CADPS2: variants seen among roughly 807,000 people sequenced by gnomAD.
CADPS2 encodes calcium dependent secretion activator 2.
Under a neutral mutation model 172.5 loss-of-function variants are expected in CADPS2, and 93 were observed. The ratio of observed to expected loss-of-function variants is 0.54; its 90% CI spans 0.46 to 0.64. The LOEUF is 0.64. CADPS2 is among the 30% of genes least tolerant of loss of function. CADPS2 has a pLI of 0.00. For missense variants in CADPS2, 1,420 were observed against 1,565.9 expected, an observed-to-expected ratio of 0.91 and a Z score of 1.57; for synonymous variants, 546 against 555.2, an observed-to-expected ratio of 0.98 and a Z score of 0.23.
chr7:122,726,048 C>T (rs189374921), intron 2 of CADPS2, among the ~76,000 whole-genome samples: 124 of 151,776 alleles, frequency 8.2e-4, no homozygotes, highest in African/African-American at 2.8e-3. Flanking sequence ...TAAATTTTAA[C>T]TCACCAGCTT....
At chr7:122,742,171 A>T (rs950439493) in intron 1 of CADPS2, among the ~76,000 whole-genome samples, 1 of 152,082 alleles carries the variant, frequency 6.6e-6, no homozygotes. Flanking sequence ...CAGGCGGATC[A>T]CCTGAGGTCA....
chr7:122,775,428 T>A (rs1019417321), intron 1 of CADPS2, among the ~76,000 whole-genome samples: 3 of 152,180 alleles, frequency 2.0e-5, no homozygotes, highest in Non-Finnish European at 4.4e-5. Flanking sequence ...AGGGGGATGC[T>A]GCATCTAAAG....
chr7:122,856,335 C>G (rs575481634), intron 1 of CADPS2, among the ~76,000 whole-genome samples: 1 of 152,298 alleles, frequency 6.6e-6, no homozygotes, highest in African/African-American at 2.4e-5. Context: ...CCAGTGGCAT[C>G]AGCAAAATCC....
chr7:122,389,692 A>C (rs1019807051), intron 22 of CADPS2, among the ~76,000 whole-genome samples: 5 of 152,060 alleles, frequency 3.3e-5, no homozygotes, highest in Non-Finnish European at 7.4e-5. Flanking sequence ...AAAGCATAAA[A>C]GCAAAAGCAA....
intron 1 of CADPS2, among the ~76,000 whole-genome samples, chr7:122,881,744 G>C (rs572019246): frequency 6.6e-6 from 1 of 152,086 alleles, no homozygotes; most frequent in Non-Finnish European, 1.5e-5. Flanking sequence ...AGAAACATCA[G>C]GAAAGTGTTA....
In CADPS2 at chr7:122,865,335, T is replaced by C. The variant is rs1818028295; in HGVS notation, c.339+20664A>G. Among the ~76,000 whole-genome samples, 7 of 152,302 alleles carry C rather than the reference T, an allele frequency of 4.6e-5. No homozygotes were observed. In the South Asian group the frequency reaches 1.5e-3, roughly 32 times the overall value. On this transcript the variant is annotated intron_variant, in intron 1 of 29. Transcript: ENST00000449022. ...AATTGCCCAGCCTCAGGTATTTCTT[T>C]ACAGCAACACTAAACAGATTAAGAC... is the stretch of plus-strand genomic sequence containing the variant.
At chr7:122,460,384 G>A (rs1028514894) in intron 14 of CADPS2, among the ~76,000 whole-genome samples, 1 of 151,784 alleles carries the variant, frequency 6.6e-6, no homozygotes, top group African/African-American at 2.4e-5. Context: ...CCAAGGGAAT[G>A]GATCACTGAG....
At chr7:122,452,678 G>A (rs1032593905) in intron 14 of CADPS2, among the ~76,000 whole-genome samples, 34 of 152,136 alleles carry the variant, frequency 2.2e-4, no homozygotes, top group African/African-American at 7.7e-4. Context: ...TTACAGGGGT[G>A]AGCCACCGTG....
chr7:122,874,045 GA>G (rs1442903510), intron 1 of CADPS2, among the ~76,000 whole-genome samples: 1 of 151,814 alleles, frequency 6.6e-6, no homozygotes, highest in Non-Finnish European at 1.5e-5. Flanking sequence ...GTTCTTTGTA[GA>G]TTCTGGATAT....
intron 7 of CADPS2, among the ~76,000 whole-genome samples, chr7:122,571,122 T>C (rs891752255): frequency 3.3e-5 from 5 of 152,004 alleles, no homozygotes; most frequent in Admixed American, 2.0e-4. Context: ...AAAGAAGGTA[T>C]AAATAATATG....
intron 2 of CADPS2, among the ~76,000 whole-genome samples, chr7:122,663,803 T>A (rs759456214): frequency 6.6e-6 from 1 of 152,162 alleles, no homozygotes; most frequent in Non-Finnish European, 1.5e-5. Context: ...AAAATACCAG[T>A]AAGATGGTTT....
At chr7:122,466,225 G>C (rs868025602) in intron 14 of CADPS2, among the ~76,000 whole-genome samples, 7 of 152,300 alleles carry the variant, frequency 4.6e-5, no homozygotes, top group African/African-American at 1.7e-4. Flanking sequence ...TCAGCAGGCT[G>C]TTTTATTTAA....
At chr7:122,480,201 G>T in intron 12 of CADPS2, 1 of 457,504 alleles carries the variant, frequency 2.2e-6, no homozygotes, top group Non-Finnish European at 4.6e-6. Flanking sequence ...AAGAAAAAAA[G>T]AAGTGGAATA....
intron 12 of CADPS2, among the ~76,000 whole-genome samples, chr7:122,478,139 T>TACC (rs1425662010): frequency 6.6e-6 from 1 of 152,220 alleles, no homozygotes; most frequent in Admixed American, 6.5e-5. Flanking sequence ...TTTAGTCAAT[T>TACC]ACCAAATCCA....
chr7:122,544,487 T>C (rs187566489), intron 8 of CADPS2, among the ~76,000 whole-genome samples: 14 of 152,308 alleles, frequency 9.2e-5, no homozygotes, highest in East Asian at 7.7e-4. Context: ...AGCAGTTCTA[T>C]TGACCTGAGC....
At position 122,340,686 on chromosome 7, in the gene CADPS2, A is replaced by G. The variant is rs574546086; in HGVS notation, c.3612+4888T>C. On this transcript the variant is annotated intron_variant, in intron 28 of 29. Coordinates refer to ENST00000449022, the MANE Select transcript of CADPS2 (RefSeq NM_017954.11). The stretch of plus-strand genomic sequence containing the variant: ...CTTGTGCTACATGTTCTGAAACCTG[A>G]GAGAGTGAGCAGCCACTCTGCCTGG... Among the ~76,000 whole-genome samples the G allele has an allele frequency of 3.9e-5, 6 of 152,312 alleles. No individual in the cohort carries two copies. The South Asian group carries it at 1.0e-3, about 26-fold the overall frequency.
intron 6 of CADPS2, among the ~76,000 whole-genome samples, chr7:122,610,570 C>T (rs907001085): frequency 2.0e-5 from 3 of 151,990 alleles, no homozygotes; most frequent in Non-Finnish European, 4.4e-5. Context: ...GAATAGACTG[C>T]AAATGGCCAT....
chr7:122,848,049 C>A (rs1027685076), intron 1 of CADPS2, among the ~76,000 whole-genome samples: 1 of 152,226 alleles, frequency 6.6e-6, no homozygotes, highest in Admixed American at 6.5e-5. Context: ...TTAGAACACT[C>A]AACTCTTTGC....
intron 28 of CADPS2, among the ~76,000 whole-genome samples, chr7:122,331,394 T>C (rs1171086499): frequency 1.3e-5 from 2 of 152,176 alleles, no homozygotes; most frequent in African/African-American, 4.8e-5. Flanking sequence ...TCCCAGCACT[T>C]TGGGAGGCAG....
Sources: allele counts gnomAD v4.1 joint callset (sites outside exome capture counted in the v4.1 genomes callset), GRCh38; gene constraint gnomAD v4.1.1; transcripts MANE v1.5; gene names NCBI Gene and HGNC (gene_info 2026-07-23, HGNC 2026-07-21).